TRAPPC9: variants seen among roughly 807,000 people sequenced by gnomAD.
The protein encoded by TRAPPC9 is IKK2 binding protein.
A neutral mutation model predicts 124.0 loss-of-function variants in TRAPPC9; 83 were observed. The ratio of observed to expected loss-of-function variants is 0.67; its 90% confidence interval spans 0.56 to 0.80. The LOEUF is 0.80. Among genes scored for constraint, TRAPPC9 ranks in the 30% least tolerant of loss-of-function variants. The pLI, the probability that TRAPPC9 is intolerant of heterozygous loss-of-function variation, is 0.00. For synonymous variants in TRAPPC9, 638 were observed against 617.5 expected, an observed-to-expected ratio of 1.03 and a Z score of -0.49; for missense variants, 1,302 against 1,508.3, an observed-to-expected ratio of 0.86 and a Z score of 2.27.
At chr8:139,824,764 T>A (rs1004162392) in intron 21 of TRAPPC9, among the ~76,000 whole-genome samples, 2 of 152,118 alleles carry the variant, frequency 1.3e-5, no homozygotes, top group African/African-American at 4.8e-5. Flanking sequence ...GGTTTTGCCA[T>A]GTTGGCAAGG....
chr8:139,730,154 T>C lies in TRAPPC9; in HGVS notation c.*907A>G, dbSNP rs199227. On this transcript the variant is annotated 3_prime_UTR_variant, in exon 23 of 23. Coordinates refer to ENST00000438773, the MANE Select transcript of TRAPPC9 (RefSeq NM_001160372.4). The stretch of plus-strand genomic sequence containing the variant: ...TGATCTCCCTCCCCTGCAGGCCTCC[T>C]TCCACCTCCCAGACAAGCTGCTGGT... Among the ~76,000 whole-genome samples the C allele has an allele frequency of 0.2, 31,074 of 152,138 alleles. 3,703 individuals carry two copies. The highest frequency in any genetic ancestry group is 0.33 in the African/African-American group (13,896 of 41,482).
chr8:140,160,979 G>A (rs186156639), intron 17 of TRAPPC9, among the ~76,000 whole-genome samples: 34 of 152,214 alleles, frequency 2.2e-4, no homozygotes, highest in Admixed American at 1.3e-3. Flanking sequence ...TAAATTAACC[G>A]CCTGACTTCA....
intron 7 of TRAPPC9, among the ~76,000 whole-genome samples, chr8:140,393,031 A>ATTT (rs869235393): frequency 3.5e-5 from 5 of 141,878 alleles, no homozygotes; most frequent in African/African-American, 1.1e-4. Context: ...TTCCCATTTT[A>ATTT]TTTTTATTTT....
At chr8:140,189,484 G>T (rs2062432627) in intron 17 of TRAPPC9, among the ~76,000 whole-genome samples, 1 of 152,176 alleles carries the variant, frequency 6.6e-6, no homozygotes. Context: ...TTAAAAATAA[G>T]CTTGCATAGG....
At chr8:140,167,383 T>C (rs1420371004) in intron 17 of TRAPPC9, among the ~76,000 whole-genome samples, 1 of 152,158 alleles carries the variant, frequency 6.6e-6, no homozygotes, top group Non-Finnish European at 1.5e-5. Flanking sequence ...AAAACACCTC[T>C]GCACACACAC....
intron 19 of TRAPPC9, among the ~76,000 whole-genome samples, chr8:139,925,745 C>T (rs1242530425): frequency 2.1e-5 from 3 of 142,130 alleles, no homozygotes; most frequent in Admixed American, 7.1e-5. Context: ...GAGACTCCAT[C>T]TTAAAAAAAA....
intron 9 of TRAPPC9, among the ~76,000 whole-genome samples, chr8:140,313,288 C>T (rs1341865798): frequency 6.6e-6 from 1 of 152,162 alleles, no homozygotes. Flanking sequence ...CAGTTGAATT[C>T]TACCACCCCA....
intron 7 of TRAPPC9, 120 bp downstream of exon 7, chr8:140,397,500 T>C: frequency 8.9e-7 from 1 of 1,127,994 alleles, no homozygotes; most frequent in Non-Finnish European, 1.3e-6. Context: ...CAAGTTAAGA[T>C]TCAACAGTTT....
At chr8:140,359,065 G>A (rs189727634) in intron 9 of TRAPPC9, among the ~76,000 whole-genome samples, 1 of 152,292 alleles carries the variant, frequency 6.6e-6, no homozygotes, top group East Asian at 1.9e-4. Context: ...AGTGAGGGAG[G>A]AGAATGGCCC....
At chr8:140,178,982 G>A (rs2062136815) in intron 17 of TRAPPC9, among the ~76,000 whole-genome samples, 1 of 152,028 alleles carries the variant, frequency 6.6e-6, no homozygotes. Context: ...ATATTGATAT[G>A]TTATGTCTTC....
chr8:140,236,021 A>G (rs987606022), intron 16 of TRAPPC9, among the ~76,000 whole-genome samples: 15 of 151,998 alleles, frequency 9.9e-5, no homozygotes, highest in African/African-American at 3.6e-4. Flanking sequence ...AAGAGTATAC[A>G]GTTGTGACAC....
chr8:139,731,948 C>A (rs1052865368), intron 22 of TRAPPC9, 31 bp downstream of exon 22: 106 of 1,548,850 alleles, frequency 6.8e-5, no homozygotes, highest in Non-Finnish European at 8.7e-5. Flanking sequence ...TGGCCAGAGG[C>A]TCCCAGACCG....
At chr8:139,791,514 A>T (rs532346173) in intron 21 of TRAPPC9, among the ~76,000 whole-genome samples, 1 of 147,460 alleles carries the variant, frequency 6.8e-6, no homozygotes, top group Admixed American at 6.8e-5. Flanking sequence ...ACAGACTCAC[A>T]CACACACTCA....
intron 16 of TRAPPC9, among the ~76,000 whole-genome samples, chr8:140,227,331 C>A (rs1434486228): frequency 1.3e-5 from 2 of 152,060 alleles, no homozygotes. Context: ...GAACAGAGAA[C>A]AGATTGGGAT....
At chr8:140,140,354 A>T (rs532954749) in intron 17 of TRAPPC9, among the ~76,000 whole-genome samples, 2 of 152,300 alleles carry the variant, frequency 1.3e-5, no homozygotes, top group East Asian at 3.9e-4. Flanking sequence ...CCTCCGATTA[A>T]GTGAGAAGTT....
At position 139,794,935 on chromosome 8, in the gene TRAPPC9, C is replaced by T. The variant is rs188470698; in HGVS notation, c.3056-62733G>A. On this transcript the variant is annotated intron_variant, in intron 21 of 22. Coordinates refer to ENST00000438773, the MANE Select transcript of TRAPPC9 (RefSeq NM_001160372.4). Reference sequence around the variant, plus strand: ...ACCTGACATCAGGTCCATGGACCAACACAGATCCAGCTCCTTTCCTAAACC... The same window carrying T: ...ACCTGACATCAGGTCCATGGACCAATACAGATCCAGCTCCTTTCCTAAACC... 3.9e-3 allele frequency among the ~76,000 whole-genome samples: 593 copies of T among 152,344 alleles called. 3 individuals carry two copies. The highest frequency in any genetic ancestry group is 8.1e-3 in the African/African-American group (337 of 41,578).
intron 17 of TRAPPC9, among the ~76,000 whole-genome samples, chr8:140,038,984 A>G (rs1841089049): frequency 6.6e-6 from 1 of 152,212 alleles, no homozygotes; most frequent in Non-Finnish European, 1.5e-5. Flanking sequence ...CTGGGGAAGG[A>G]GCGGAGCGAG....
chr8:139,922,375 G>A (rs769610025), intron 19 of TRAPPC9, among the ~76,000 whole-genome samples: 9 of 152,196 alleles, frequency 5.9e-5, no homozygotes, highest in East Asian at 1.9e-4. Context: ...GTAGAGATGC[G>A]GTTTCACCAT....
At chr8:140,191,781 T>C (rs936835139) in intron 17 of TRAPPC9, among the ~76,000 whole-genome samples, 1 of 152,078 alleles carries the variant, frequency 6.6e-6, no homozygotes, top group Non-Finnish European at 1.5e-5. Context: ...CAGCCCCAAA[T>C]TTCCCCCAAT....
Sources: gnomAD v4.1 joint callset for allele counts (sites outside exome capture counted in the v4.1 genomes callset) on GRCh38, gnomAD v4.1.1 for gene constraint, MANE v1.5 for transcripts, NCBI Gene and HGNC (gene_info 2026-07-23, HGNC 2026-07-21) for gene names.